Variants in CRABP1 observed in about 807,000 individuals in gnomAD.
CRABP1 encodes cellular retinoic acid-binding protein 1.
A neutral mutation model predicts 16.4 loss-of-function variants in CRABP1; 9 were observed. The ratio of observed to expected loss-of-function variants is 0.55; its 90% CI spans 0.33 to 0.96. The LOEUF is 0.96. Among genes scored for constraint, CRABP1 ranks in the 40% least tolerant of loss-of-function variants. CRABP1 has a pLI of 0.03. For missense variants in CRABP1, 157 were observed against 186.0 expected, an observed-to-expected ratio of 0.84 and a Z score of 0.91; for synonymous variants, 72 against 70.4, an observed-to-expected ratio of 1.02 and a Z score of -0.11.
At chr15:78,340,738 C>A in intron 1 of CRABP1, 1 of 600,622 alleles carries the variant, frequency 1.7e-6, no homozygotes. Context: ...CTCGATGGTG[C>A]GGACTTTATC....
chr15:78,347,160 G>A (rs540687222), intron 3 of CRABP1, among the ~76,000 whole-genome samples: 27 of 152,208 alleles, frequency 1.8e-4, no homozygotes, highest in African/African-American at 6.3e-4. Context: ...TCCTCCATCT[G>A]TGCAATGATT....
chr15:78,347,840 C>A, intron 3 of CRABP1, 87 bp from the exon 4 acceptor site: 2 of 1,183,820 alleles, frequency 1.7e-6, no homozygotes, highest in Non-Finnish European at 2.5e-6. Flanking sequence ...TTTAACAGGG[C>A]AATAAGTGGC....
chr15:78,346,903 C>T (rs1219515575), intron 3 of CRABP1, among the ~76,000 whole-genome samples: 1 of 152,080 alleles, frequency 6.6e-6, no homozygotes, highest in African/African-American at 2.4e-5. Context: ...AAGATAAGGA[C>T]CTTCTGGCAC....
chr15:78,346,536 G>A (rs1018280413), intron 3 of CRABP1, among the ~76,000 whole-genome samples: 2 of 152,228 alleles, frequency 1.3e-5, no homozygotes, highest in African/African-American at 4.8e-5. Flanking sequence ...GGGCATGGTG[G>A]TGTATGCCTG....
intron 3 of CRABP1, among the ~76,000 whole-genome samples, chr15:78,344,412 A>G (rs1359016468): frequency 1.3e-5 from 2 of 151,922 alleles, no homozygotes; most frequent in Admixed American, 1.3e-4. Context: ...GTGAGCTGAG[A>G]TGGCACCACT....
At chr15:78,343,409 G>A in intron 2 of CRABP1, 90 bp from the exon 3 acceptor site, 14 of 1,003,352 alleles carry the variant, frequency 1.4e-5, no homozygotes, top group Non-Finnish European at 2.1e-5. Flanking sequence ...TTGATTCTCT[G>A]CAGAGCAATT....
chr15:78,347,324 C>T (rs1453240921), intron 3 of CRABP1, among the ~76,000 whole-genome samples: 1 of 152,214 alleles, frequency 6.6e-6, no homozygotes, highest in African/African-American at 2.4e-5. Context: ...CATTTGCCCC[C>T]AAGCTTAGCC....
chr15:78,348,092 C>A lies in CRABP1; in HGVS notation c.*115C>A. ...TTCCCCTACCAATATTAGGTGATCC[C>A]GTTTTCCCCATGACAATGTTGTAGT... On this transcript the variant is annotated 3_prime_UTR_variant, in exon 4 of 4. Coordinates refer to ENST00000299529, the MANE Select transcript of CRABP1 (RefSeq NM_004378.3). 1 of 985,704 alleles carries A rather than the reference C, an allele frequency of 1.0e-6. No individual in the cohort carries two copies. The highest frequency in any genetic ancestry group is 1.5e-5 in the South Asian group (1 of 68,228). The allele number at this position is 985,704 out of a possible 1,614,324, so 61.1% of individuals were successfully genotyped here. A position where few individuals can be genotyped will look rare whatever the true frequency, so the allele number is the denominator to read the frequency against.
In CRABP1 at chr15:78,341,259, C is replaced by A. The variant is rs767181206; in HGVS notation, c.249+38C>A. Reference sequence around the variant, plus strand: ...AGCCACTACAGCGTCCCCGTGTCCCCGCTCGGTGCCCATGGCCCACTGCTG... The same window carrying A: ...AGCCACTACAGCGTCCCCGTGTCCCAGCTCGGTGCCCATGGCCCACTGCTG... On this transcript the variant is annotated intron_variant, in intron 2 of 3. Transcript: ENST00000299529. The surrounding 1 kb of genome is among the most constrained non-coding windows in gnomAD (Gnocchi z 5.3). The A allele has an allele frequency of 1.9e-6, 3 of 1,578,852 alleles. No individual in the cohort carries two copies. The highest frequency in any genetic ancestry group is 2.6e-6 in the Non-Finnish European group (3 of 1,162,354).
chr15:78,342,188 T>C (rs556007017), intron 2 of CRABP1, among the ~76,000 whole-genome samples: 1 of 152,160 alleles, frequency 6.6e-6, no homozygotes, highest in Non-Finnish European at 1.5e-5. Context: ...TCCAGAATTG[T>C]CATAGCCTGG....
intron 3 of CRABP1, among the ~76,000 whole-genome samples, chr15:78,347,163 C>A (rs1239186687): frequency 2.0e-5 from 3 of 152,034 alleles, no homozygotes; most frequent in Non-Finnish European, 4.4e-5. Flanking sequence ...TCCATCTGTG[C>A]AATGATTCGT....
Position 78,348,071 on chromosome 15 carries a change from C to T in CRABP1, c.*94C>T, listed in dbSNP as rs2050277203. On this transcript the variant is annotated 3_prime_UTR_variant, in exon 4 of 4. Coordinates refer to ENST00000299529, the MANE Select transcript of CRABP1 (RefSeq NM_004378.3). ...AGCTGCCAGTGGACCGCCCTTTTCC[C>T]CTACCAATATTAGGTGATCCCGTTT... 3 of 1,205,178 alleles carry T rather than the reference C, an allele frequency of 2.5e-6. No homozygotes were observed. The highest frequency in any genetic ancestry group is 4.7e-5 in the East Asian group (2 of 42,778). The allele number at this position is 1,205,178 out of a possible 1,614,324, so 74.7% of individuals were successfully genotyped here.
intron 3 of CRABP1, among the ~76,000 whole-genome samples, chr15:78,344,606 G>A (rs1336895686): frequency 2.0e-5 from 3 of 152,066 alleles, no homozygotes; most frequent in Non-Finnish European, 4.4e-5. Context: ...AAGGCTGAGG[G>A]CAGAACAATC....
chr15:78,343,101 C>A (rs1312501730), intron 2 of CRABP1, among the ~76,000 whole-genome samples: 1 of 151,302 alleles, frequency 6.6e-6, no homozygotes, highest in Admixed American at 6.6e-5. Context: ...GGCAACAGAG[C>A]GAGACTCCAT....
In CRABP1 at chr15:78,341,077, G is replaced by C. The variant is rs151297065; in HGVS notation, c.105G>C (p.Ala35=). 47,453 of 1,610,952 alleles carry C rather than the reference G, an allele frequency of 0.029. 866 individuals are homozygous for C. Among genetic ancestry groups the C allele is most frequent in the Non-Finnish European group, 0.035 (41,026 of 1,179,786 alleles). Residue 35 remains alanine (A), a synonymous_variant, in exon 2 of 4, where the codon GCG becomes GCC. Transcript: ENST00000299529. This position sits in a 1 kb window ranked among gnomAD's most constrained non-coding sequence, Gnocchi z 5.3. The stretch of plus-strand genomic sequence containing the variant: ...CCATGCTGAGGAAAGTGGCCGTAGC[G>C]GCTGCGTCCAAGCCGCACGTGGAGA... ...VNAMLRKVAV[A]AASKPHVEIR...
rs1416566284 is a variant in CRABP1 at position 78,348,205 on chromosome 15, A to C, written c.*228A>C. 1.8e-6 allele frequency: 1 copy of C among 567,876 alleles called. No individual in the cohort carries two copies. 35.2% of individuals were successfully genotyped at this position (567,876 alleles called of 1,614,324 possible). On this transcript the variant is annotated 3_prime_UTR_variant, in exon 4 of 4. Transcript: ENST00000299529. ...CATTTGCACGGTTTCGAAGTCATTA[A>C]ACTGGTTAGACGTGTCTCAACCTTT...
chr15:78,348,061 G>A lies in CRABP1; in HGVS notation c.*84G>A, dbSNP rs180673426. On this transcript the variant is annotated 3_prime_UTR_variant, in exon 4 of 4. Transcript: ENST00000299529. ...CATAGTTCTGAGCTGCCAGTGGACCGCCCTTTTCCCCTACCAATATTAGGT... is the reference window on the plus strand; with the variant it reads ...CATAGTTCTGAGCTGCCAGTGGACCACCCTTTTCCCCTACCAATATTAGGT... The A allele has an allele frequency of 7.9e-5, 104 of 1,318,650 alleles. No homozygotes were observed. In the East Asian group the frequency reaches 1.2e-3, roughly 15 times the overall value. 81.7% of individuals were successfully genotyped at this position (1,318,650 alleles called of 1,614,324 possible).
At chr15:78,343,730 A>G (rs1269737501) in intron 3 of CRABP1, 118 bp downstream of exon 3, 1 of 705,352 alleles carries the variant, frequency 1.4e-6, no homozygotes, top group African/African-American at 1.8e-5. Flanking sequence ...TTTGCCCTGG[A>G]TTAAAATTAG....
At position 78,341,643 on chromosome 15, in the gene CRABP1, G is replaced by C. The variant is rs2050235989; in HGVS notation, c.249+422G>C. On this transcript the variant is annotated intron_variant, in intron 2 of 3. Transcript: ENST00000299529. This position sits in a 1 kb window ranked among gnomAD's most constrained non-coding sequence, Gnocchi z 5.3. ...CCGCCGTATCCCCCGCGCCCGCCCG[G>C]GTCCCTGGGCCGCCTGGGTACGCTC... is the stretch of plus-strand genomic sequence containing the variant. The C allele has an allele frequency of 3.3e-6, 1 of 300,516 alleles. No individual in the cohort carries two copies. Among genetic ancestry groups the C allele is most frequent in the African/African-American group, 2.2e-5 (1 of 45,702 alleles). The allele number at this position is 300,516 out of a possible 1,614,324, so 18.6% of individuals were successfully genotyped here.
Sources: gnomAD v4.1 joint callset for allele counts (sites outside exome capture counted in the v4.1 genomes callset) on GRCh38, gnomAD v4.1.1 for gene constraint, Gnocchi (gnomAD v3.1) non-coding constraint, MANE v1.5 for transcripts, NCBI Gene and HGNC (gene_info 2026-07-23, HGNC 2026-07-21) for gene names.